The following ABLIM1 variants were observed in gnomAD, a reference collection of about 807,000 sequenced individuals.
ABLIM1 encodes the protein actin binding LIM protein 1, also known as actin-binding LIM protein 1.
In ABLIM1, 40 loss-of-function variants were observed where a neutral mutation model predicts 107.0. The observed-to-expected ratio is 0.37, with a 90% CI of 0.29 to 0.49. The LOEUF (loss-of-function observed/expected upper bound fraction) is 0.49. Among genes scored for constraint, ABLIM1 ranks in the 20% least tolerant of loss-of-function variants. The pLI is 0.97. For synonymous variants in ABLIM1, 357 were observed against 357.3 expected (o/e 1.00, Z 0.01); for missense variants, 857 against 1,008.5 (o/e 0.85, Z 2.04).
At chr10:114,711,298 C>T (rs2081543285) in intron 1 of ABLIM1, among the ~76,000 whole-genome samples, 1 of 152,180 alleles carries the variant, frequency 6.6e-6, no homozygotes, top group African/African-American at 2.4e-5. Flanking sequence ...TTACCAAGAG[C>T]CCTCCTGTTG....
intron 1 of ABLIM1, among the ~76,000 whole-genome samples, chr10:114,728,874 A>G (rs2142127273): frequency 6.6e-6 from 1 of 152,210 alleles, no homozygotes; most frequent in African/African-American, 2.4e-5. Flanking sequence ...AGCAGGGTGC[A>G]TATCATGCTT....
At chr10:114,699,734 C>A (rs2081269742) in intron 1 of ABLIM1, among the ~76,000 whole-genome samples, 1 of 151,942 alleles carries the variant, frequency 6.6e-6, no homozygotes, top group African/African-American at 2.4e-5. Flanking sequence ...AATATAAATC[C>A]AAACATATTA....
intron 1 of ABLIM1, among the ~76,000 whole-genome samples, chr10:114,618,204 G>C (rs764972037): frequency 6.6e-6 from 1 of 152,134 alleles, no homozygotes; most frequent in South Asian, 2.1e-4. Flanking sequence ...TACACTTTGC[G>C]AATGTAATTA....
intron 1 of ABLIM1, among the ~76,000 whole-genome samples, chr10:114,611,522 C>T (rs959627966): frequency 6.6e-6 from 1 of 152,018 alleles, no homozygotes; most frequent in Admixed American, 6.6e-5. Flanking sequence ...TTGCCTTTTC[C>T]GTGGCTACGT....
intron 6 of ABLIM1, among the ~76,000 whole-genome samples, chr10:114,527,906 T>G (rs1824744524): frequency 6.6e-6 from 1 of 151,746 alleles, no homozygotes; most frequent in Non-Finnish European, 1.5e-5. Flanking sequence ...GGCGTGATCT[T>G]GGCTCACTGT....
intron 1 of ABLIM1, among the ~76,000 whole-genome samples, chr10:114,717,764 A>C (rs1198311481): frequency 1.3e-5 from 2 of 151,822 alleles, no homozygotes; most frequent in African/African-American, 4.8e-5. Flanking sequence ...AAAATAAAAA[A>C]TAGTCAGGCA....
chr10:114,468,281 G>A, intron 10 of ABLIM1, 65 bp from the exon 11 acceptor site: 2 of 1,511,302 alleles, frequency 1.3e-6, no homozygotes, highest in Admixed American at 1.7e-5. Context: ...TTGTTTGTTT[G>A]TTTGTTTGTT....
chr10:114,558,302 CAT>C (rs2069079863), intron 4 of ABLIM1, among the ~76,000 whole-genome samples: 1 of 151,892 alleles, frequency 6.6e-6, no homozygotes, highest in Non-Finnish European at 1.5e-5. Flanking sequence ...ATTAACTATT[CAT>C]TACGCAGGAA....
At chr10:114,578,409 G>GTT (rs35844913) in intron 2 of ABLIM1, among the ~76,000 whole-genome samples, 2,346 of 141,356 alleles carry the variant, frequency 0.017, 41 homozygotes, top group Admixed American at 0.029. Flanking sequence ...ATTTTCTGTT[G>GTT]TTTTTTTTTT....
intron 3 of ABLIM1, among the ~76,000 whole-genome samples, chr10:114,575,007 C>T (rs762759257): frequency 6.6e-6 from 1 of 152,106 alleles, no homozygotes; most frequent in Non-Finnish European, 1.5e-5. Context: ...CCTAATTCAG[C>T]CCATGGGACA....
intron 1 of ABLIM1, among the ~76,000 whole-genome samples, chr10:114,704,376 G>A (rs1051746360): frequency 3.5e-5 from 5 of 144,448 alleles, no homozygotes; most frequent in African/African-American, 1.3e-4. Flanking sequence ...AATAACAAGA[G>A]CCTAAATTGT....
At chr10:114,517,992 T>C (rs1231380452) in intron 6 of ABLIM1, among the ~76,000 whole-genome samples, 1 of 152,140 alleles carries the variant, frequency 6.6e-6, no homozygotes, top group Non-Finnish European at 1.5e-5. Context: ...GTATTTGTCA[T>C]GTTTTCTTAG....
At chr10:114,515,566 G>A (rs2062683730) in intron 6 of ABLIM1, among the ~76,000 whole-genome samples, 1 of 152,228 alleles carries the variant, frequency 6.6e-6, no homozygotes, top group South Asian at 2.1e-4. Flanking sequence ...GGCTATGTGA[G>A]CCTCTTTTCT....
chr10:114,504,687 C>G (rs576089340), intron 6 of ABLIM1, among the ~76,000 whole-genome samples: 2 of 152,218 alleles, frequency 1.3e-5, no homozygotes, highest in South Asian at 2.1e-4. Flanking sequence ...GCATGTACAT[C>G]AAGAATGATA....
At chr10:114,545,282 A>G (rs2483596) in intron 5 of ABLIM1, among the ~76,000 whole-genome samples, 184 bp from the exon 6 acceptor site, 115,779 of 152,022 alleles carry the variant, frequency 0.76, 44,410 homozygotes, top group African/African-American at 0.86. Context: ...AAACAAAACG[A>G]TCCAGAGAGC....
intron 6 of ABLIM1, among the ~76,000 whole-genome samples, chr10:114,496,242 C>G (rs750875022): frequency 1.6e-4 from 24 of 152,122 alleles, no homozygotes; most frequent in Admixed American, 3.9e-4. Flanking sequence ...ACATCAAGGC[C>G]CCATGTGGCA....
chr10:114,491,012 G>GTGTGTATATATATATATATATATATATA, intron 7 of ABLIM1, among the ~76,000 whole-genome samples: 56 of 92,356 alleles, frequency 6.1e-4, no homozygotes, highest in African/African-American at 1.9e-3. Context: ...GTGTGTGTGT[G>GTGTGTATATATATATATATATATATATA]TATATATATA....
At chr10:114,741,348 C>G (rs1450725405) in intron 1 of ABLIM1, among the ~76,000 whole-genome samples, 2 of 150,822 alleles carry the variant, frequency 1.3e-5, no homozygotes, top group African/African-American at 4.9e-5. Flanking sequence ...GCCTCAGCCT[C>G]CCGAGGAGCT....
chr10:114,553,052 A>C (rs1399323976), intron 4 of ABLIM1, among the ~76,000 whole-genome samples: 1 of 152,090 alleles, frequency 6.6e-6, no homozygotes, highest in Non-Finnish European at 1.5e-5. Flanking sequence ...AGCTTCTCTC[A>C]GCCTGGGCAC....
Sources: allele counts gnomAD v4.1 joint callset (sites outside exome capture counted in the v4.1 genomes callset), GRCh38; gene constraint gnomAD v4.1.1; transcripts MANE v1.5; gene names NCBI Gene and HGNC (gene_info 2026-07-23, HGNC 2026-07-21).